The following TRAF3 variants were observed in gnomAD, a reference collection of about 807,000 sequenced individuals.
TRAF3 encodes the protein TNF receptor-associated factor 3.
In TRAF3, 13 loss-of-function variants were observed where a neutral mutation model predicts 62.3. The observed-to-expected ratio is 0.21, with a 90% CI of 0.14 to 0.33. The LOEUF is 0.33. TRAF3 is among the 10% of genes least tolerant of loss of function. The probability of loss-of-function intolerance (pLI) is 1.00; values close to 1 mark genes in which losing one functional copy is unlikely to be tolerated. For missense variants in TRAF3, 440 were observed against 741.8 expected (o/e 0.59, Z 4.73); for synonymous variants, 269 against 283.4 (o/e 0.95, Z 0.51).
intron 4 of TRAF3, among the ~76,000 whole-genome samples, chr14:102,873,529 A>G (rs1249938033): frequency 6.6e-6 from 1 of 152,190 alleles, no homozygotes; most frequent in Non-Finnish European, 1.5e-5. Context: ...CTGAAGAAAA[A>G]TGGCTAGTTT....
chr14:102,814,170 T>C (rs919371809), intron 1 of TRAF3, among the ~76,000 whole-genome samples: 5 of 152,234 alleles, frequency 3.3e-5, no homozygotes, highest in Admixed American at 3.3e-4. Flanking sequence ...TTGAAGAGAC[T>C]GTCCTTTCCC....
intron 2 of TRAF3, among the ~76,000 whole-genome samples, chr14:102,866,549 A>G (rs1029774409): frequency 6.6e-6 from 1 of 152,132 alleles, no homozygotes; most frequent in East Asian, 1.9e-4. Context: ...GAACCCAATT[A>G]AAAAAATGAC....
chr14:102,823,012 A>G (rs374365127), intron 1 of TRAF3, among the ~76,000 whole-genome samples: 3 of 152,188 alleles, frequency 2.0e-5, no homozygotes, highest in African/African-American at 7.2e-5. Context: ...ATCTCAAAAA[A>G]AAAAAAAAGA....
rs1011597130 is a variant in TRAF3 at position 102,907,175 on chromosome 14, G to A, written c.*1391G>A. 1.0e-4 allele frequency: 16 copies of A among 152,386 alleles called. No homozygotes were observed. Among genetic ancestry groups the A allele is most frequent in the African/African-American group, 3.8e-4 (16 of 41,588 alleles). The allele number at this position is 152,386 out of a possible 1,614,324, so 9.4% of individuals were successfully genotyped here. Reference sequence around the variant, plus strand: ...TGGTCCCACCCTGAGGGAGGCAGGTGTGGAACAGAAGCCGAGCCTCTCCGT... The same window carrying A: ...TGGTCCCACCCTGAGGGAGGCAGGTATGGAACAGAAGCCGAGCCTCTCCGT... On this transcript the variant is annotated 3_prime_UTR_variant, in exon 12 of 12. Coordinates refer to ENST00000392745, the MANE Select transcript of TRAF3 (RefSeq NM_145725.3).
intron 1 of TRAF3, among the ~76,000 whole-genome samples, chr14:102,818,409 CT>C (rs1417476646): frequency 6.6e-6 from 1 of 152,176 alleles, no homozygotes; most frequent in Non-Finnish European, 1.5e-5. Flanking sequence ...ACGGAAGTTA[CT>C]TCATGGAGTG....
intron 1 of TRAF3, among the ~76,000 whole-genome samples, chr14:102,786,469 C>T (rs964466650): frequency 6.6e-6 from 1 of 152,156 alleles, no homozygotes; most frequent in African/African-American, 2.4e-5. Flanking sequence ...GGGTGGATCA[C>T]CTGAGGTCAT....
At chr14:102,858,362 A>C (rs1887497510) in intron 2 of TRAF3, among the ~76,000 whole-genome samples, 1 of 152,296 alleles carries the variant, frequency 6.6e-6, no homozygotes, top group South Asian at 2.1e-4. Flanking sequence ...CACATTGGTC[A>C]TGCTGGTCTC....
chr14:102,872,030 A>G (rs1888371222), intron 4 of TRAF3, 62 bp downstream of exon 4: 3 of 1,559,362 alleles, frequency 1.9e-6, no homozygotes, highest in South Asian at 2.2e-5. Context: ...TACTTTTCAC[A>G]TAGTTTGCAT....
At chr14:102,836,217 G>C (rs1041536018) in intron 2 of TRAF3, among the ~76,000 whole-genome samples, 1 of 152,250 alleles carries the variant, frequency 6.6e-6, no homozygotes, top group African/African-American at 2.4e-5. Context: ...CTGCTCCTCT[G>C]TGCCTGGCTT....
chr14:102,875,854 A>G, intron 5 of TRAF3, 126 bp downstream of exon 5: 1 of 817,160 alleles, frequency 1.2e-6, no homozygotes, highest in Non-Finnish European at 2.1e-6. Flanking sequence ...TTCAAAACAC[A>G]GCCAAATAGG....
intron 1 of TRAF3, among the ~76,000 whole-genome samples, chr14:102,813,657 G>A (rs1254969614): frequency 6.6e-6 from 1 of 151,280 alleles, no homozygotes; most frequent in African/African-American, 2.4e-5. Flanking sequence ...TGCCATGTTG[G>A]CCAGGCTGGT....
At chr14:102,844,102 G>A (rs1033310258) in intron 2 of TRAF3, among the ~76,000 whole-genome samples, 1 of 152,330 alleles carries the variant, frequency 6.6e-6, no homozygotes, top group East Asian at 1.9e-4. Flanking sequence ...TTAAACAAAT[G>A]TATGATTGAG....
intron 1 of TRAF3, among the ~76,000 whole-genome samples, chr14:102,779,605 G>A (rs2140042995): frequency 6.6e-6 from 1 of 152,274 alleles, no homozygotes; most frequent in East Asian, 1.9e-4. Flanking sequence ...ACTCAAGAAG[G>A]ACCTTTCTAG....
chr14:102,779,170 A>G (rs1595269900), intron 1 of TRAF3, among the ~76,000 whole-genome samples: 1 of 151,616 alleles, frequency 6.6e-6, no homozygotes, highest in Non-Finnish European at 1.5e-5. Flanking sequence ...TATCATGGAT[A>G]AGGGTTAAGA....
intron 1 of TRAF3, among the ~76,000 whole-genome samples, chr14:102,786,768 T>G (rs1049068084): frequency 1.3e-5 from 2 of 152,154 alleles, no homozygotes; most frequent in African/African-American, 2.4e-5. Context: ...GGGGATCGCT[T>G]GAATCCAGGA....
At chr14:102,873,935 G>A (rs1888491656) in intron 4 of TRAF3, among the ~76,000 whole-genome samples, 1 of 152,116 alleles carries the variant, frequency 6.6e-6, no homozygotes, top group Non-Finnish European at 1.5e-5. Flanking sequence ...ATAACCTTTG[G>A]ACTAAGATGT....
chr14:102,854,477 A>G (rs1377747121), intron 2 of TRAF3, among the ~76,000 whole-genome samples: 1 of 152,178 alleles, frequency 6.6e-6, no homozygotes. Flanking sequence ...TAGCCATCCA[A>G]GTGACTAAGT....
intron 9 of TRAF3, among the ~76,000 whole-genome samples, chr14:102,895,937 A>G (rs1056900599): frequency 1.3e-5 from 2 of 152,110 alleles, no homozygotes; most frequent in African/African-American, 4.8e-5. Context: ...GCTGGCCCCA[A>G]GGGTGTAGCA....
intron 2 of TRAF3, among the ~76,000 whole-genome samples, chr14:102,850,219 T>A (rs941166306): frequency 2.0e-5 from 3 of 152,112 alleles, no homozygotes; most frequent in Admixed American, 1.3e-4. Flanking sequence ...CAGCTGTGAG[T>A]GAGGGCCTTC....
Sources: gnomAD v4.1 joint callset for allele counts (sites outside exome capture counted in the v4.1 genomes callset) on GRCh38, gnomAD v4.1.1 for gene constraint, MANE v1.5 for transcripts, NCBI Gene and HGNC (gene_info 2026-07-23, HGNC 2026-07-21) for gene names.